RAPGEF2: variants seen among roughly 807,000 people sequenced by gnomAD.
RAPGEF2 encodes Rap guanine nucleotide exchange factor 2, also known as PDZ domain containing guanine nucleotide exchange factor (GEF) 1.
A neutral mutation model predicts 186.7 loss-of-function variants in RAPGEF2; 54 were observed. The ratio of observed to expected loss-of-function variants is 0.29; its 90% CI spans 0.23 to 0.36. The LOEUF is 0.36. Ranked by LOEUF, RAPGEF2 falls within the 10% of genes least tolerant of loss-of-function variation. RAPGEF2 has a pLI of 1.00. For synonymous variants in RAPGEF2, 712 were observed against 705.9 expected (o/e 1.01, Z -0.14); for missense variants, 1,532 against 2,045.0 (o/e 0.75, Z 4.84).
At chr4:159,188,650 T>C (rs1747795486) in intron 2 of RAPGEF2, among the ~76,000 whole-genome samples, 1 of 126,976 alleles carries the variant, frequency 7.9e-6, no homozygotes, top group African/African-American at 3.0e-5. Flanking sequence ...GGCAACAGAA[T>C]GAGACTACAT....
rs1224068660 is a variant in RAPGEF2, at chr4:159,295,742, TGTGTGTGTGTGTGCGCGCGCGC to T, written c.544-8598_544-8577del. Among the ~76,000 whole-genome samples the T allele has an allele frequency of 2.8e-3, 380 of 133,494 alleles. 5 individuals are homozygous for T. The highest frequency in any genetic ancestry group is 5.0e-3 in the Admixed American group (72 of 14,370). The allele number at this position is 133,494 out of a possible 152,430, so 87.6% of individuals were successfully genotyped here. ...GTGAGTGTGTGTGTGTGTGTGTGTG[TGTGTGTGTGTGTGCGCGCGCGC>T]GCGCGCGCGCATGCACATAATGTTT... On this transcript the variant is annotated intron_variant, in intron 7 of 29. Coordinates refer to ENST00000691494, the MANE Select transcript of RAPGEF2 (RefSeq NM_001394067.2).
chr4:159,345,233 C>T lies in RAPGEF2; in HGVS notation c.3406C>T (p.Arg1136Ter). ...GCTTTATGAAGATGCCCAAATGGCT[C>T]GAAAAGTGAAGCAGTACCTTTCCAA... ...KKLYEDAQMA[R>*]KVKQYLSNLE... The change falls in exon 24 of 30, where the codon CGA becomes TGA. Residue 1136 changes from arginine (R) to a stop codon, truncating the protein, a stop_gained. Coordinates refer to ENST00000691494, the MANE Select transcript of RAPGEF2 (RefSeq NM_001394067.2). LOFTEE classifies it high-confidence loss of function. 1 of 1,614,090 alleles carries T rather than the reference C, an allele frequency of 6.2e-7. No individual in the cohort carries two copies. The highest frequency in any genetic ancestry group is 8.5e-7 in the Non-Finnish European group (1 of 1,180,002).
At chr4:159,278,258 T>C (rs1198166097) in intron 7 of RAPGEF2, among the ~76,000 whole-genome samples, 1 of 152,216 alleles carries the variant, frequency 6.6e-6, no homozygotes, top group South Asian at 2.1e-4. Flanking sequence ...TGGTTGTAGA[T>C]GTGTGGTATT....
At chr4:159,106,511 T>A (rs747224712) in intron 1 of RAPGEF2, among the ~76,000 whole-genome samples, 5 of 152,164 alleles carry the variant, frequency 3.3e-5, no homozygotes, top group African/African-American at 4.8e-5. Flanking sequence ...TTATAAATGT[T>A]TGTGAGTTCG....
chr4:159,126,864 C>T (rs146789370), intron 1 of RAPGEF2, among the ~76,000 whole-genome samples: 1 of 152,288 alleles, frequency 6.6e-6, no homozygotes, highest in African/African-American at 2.4e-5. Flanking sequence ...AAGTAGAACC[C>T]CATTCATGTG....
chr4:159,261,253 G>A (rs1402167958), intron 7 of RAPGEF2, among the ~76,000 whole-genome samples: 1 of 151,618 alleles, frequency 6.6e-6, no homozygotes, highest in Non-Finnish European at 1.5e-5. Flanking sequence ...TAGTAGAGAT[G>A]GGGTTTCACT....
intron 1 of RAPGEF2, among the ~76,000 whole-genome samples, chr4:159,121,099 T>C (rs937943401): frequency 2.0e-5 from 3 of 152,164 alleles, no homozygotes; most frequent in Admixed American, 6.6e-5. Context: ...GCTATCTGCC[T>C]GCCTTGGCCT....
intron 28 of RAPGEF2, among the ~76,000 whole-genome samples, chr4:159,354,770 T>C (rs1248984194): frequency 2.0e-5 from 3 of 152,238 alleles, no homozygotes; most frequent in African/African-American, 7.2e-5. Context: ...AGTGCCCAGA[T>C]AGTAGATTCA....
intron 8 of RAPGEF2, among the ~76,000 whole-genome samples, 199 bp from the exon 9 acceptor site, chr4:159,314,392 C>T (rs1764302959): frequency 6.6e-6 from 1 of 151,974 alleles, no homozygotes; most frequent in Non-Finnish European, 1.5e-5. Flanking sequence ...TTATTCCTGA[C>T]CAAAAATTTA....
At chr4:159,165,372 A>G (rs572414152) in intron 1 of RAPGEF2, among the ~76,000 whole-genome samples, 87 of 152,300 alleles carry the variant, frequency 5.7e-4, no homozygotes, top group Non-Finnish European at 9.3e-4. Context: ...TTTAAAGTCA[A>G]TACATTTTTA....
intron 15 of RAPGEF2, 45 bp downstream of exon 15, chr4:159,331,878 G>GA (rs1554038490): frequency 1.1e-5 from 15 of 1,407,488 alleles, no homozygotes; most frequent in Admixed American, 4.1e-5. Flanking sequence ...TTGGTGTCTG[G>GA]TTTTTTTTTT....
intron 7 of RAPGEF2, among the ~76,000 whole-genome samples, chr4:159,301,672 TAGAG>T (rs1015163817): frequency 3.6e-4 from 55 of 152,080 alleles, no homozygotes; most frequent in African/African-American, 1.3e-3. Context: ...CTGGGCAACA[TAGAG>T]AGACCCTTTT....
intron 1 of RAPGEF2, among the ~76,000 whole-genome samples, chr4:159,138,074 T>A (rs1741916849): frequency 6.6e-6 from 1 of 152,196 alleles, no homozygotes; most frequent in Non-Finnish European, 1.5e-5. Context: ...ATGAATATGG[T>A]TTAATTTTAC....
rs1579966010 is a variant in RAPGEF2, at chr4:159,330,508, A to G, written c.1467+10A>G. 2 of 1,583,984 alleles carry G rather than the reference A, an allele frequency of 1.3e-6. No individual in the cohort carries two copies. Among genetic ancestry groups the G allele is most frequent in the Non-Finnish European group, 8.6e-7 (1 of 1,167,790 alleles). On this transcript the variant is annotated intron_variant, in intron 13 of 29. Coordinates refer to ENST00000691494, the MANE Select transcript of RAPGEF2 (RefSeq NM_001394067.2). ...GAGCCTCAGGGATAAGGTTGGAAAT[A>G]TATTCTATTTTGTCTCTTAAATATG... is the stretch of plus-strand genomic sequence containing the variant.
intron 1 of RAPGEF2, among the ~76,000 whole-genome samples, chr4:159,173,561 G>A (rs1746137768): frequency 6.6e-6 from 1 of 152,122 alleles, no homozygotes; most frequent in Admixed American, 6.5e-5. Context: ...AGGTTTAACT[G>A]GAGCCAGACT....
chr4:159,150,514 C>T (rs1308654964), intron 1 of RAPGEF2, among the ~76,000 whole-genome samples: 1 of 152,076 alleles, frequency 6.6e-6, no homozygotes, highest in Non-Finnish European at 1.5e-5. Flanking sequence ...GTTTGGAGGC[C>T]ATTTTAAACA....
chr4:159,237,080 G>A (rs1228377978), intron 4 of RAPGEF2, among the ~76,000 whole-genome samples: 1 of 152,156 alleles, frequency 6.6e-6, no homozygotes, highest in Non-Finnish European at 1.5e-5. Context: ...GAGTGCAGTG[G>A]CACATTCTTG....
At chr4:159,276,462 TAAAAC>T (rs755773653) in intron 7 of RAPGEF2, among the ~76,000 whole-genome samples, 1 of 152,200 alleles carries the variant, frequency 6.6e-6, no homozygotes, top group East Asian at 1.9e-4. Context: ...AAAAATAACT[TAAAAC>T]AATTTTATAT....
intron 1 of RAPGEF2, among the ~76,000 whole-genome samples, chr4:159,152,147 C>T (rs1271560192): frequency 6.6e-6 from 1 of 152,100 alleles, no homozygotes; most frequent in Admixed American, 6.5e-5. Context: ...CATGGCAAAA[C>T]CTCGTCTCTA....
Sources: gnomAD v4.1 joint callset for allele counts (sites outside exome capture counted in the v4.1 genomes callset) on GRCh38, gnomAD v4.1.1 for gene constraint, MANE v1.5 for transcripts, NCBI Gene and HGNC (gene_info 2026-07-23, HGNC 2026-07-21) for gene names.